The following MPP4 variants were observed in gnomAD, a reference collection of about 807,000 sequenced individuals.
The protein encoded by MPP4 is MAGUK p55 subfamily member 4.
Under a neutral mutation model 98.3 loss-of-function variants are expected in MPP4, and 91 were observed. That is an observed-to-expected ratio of 0.93 (90% CI 0.78 to 1.10). The LOEUF is 1.10. Among genes scored for constraint, MPP4 ranks in the 50% least tolerant of loss-of-function variants. The probability of loss-of-function intolerance (pLI) is 0.00; values close to 1 mark genes in which losing one functional copy is unlikely to be tolerated. For missense variants in MPP4, 744 were observed against 792.9 expected, an observed-to-expected ratio of 0.94 and a Z score of 0.74; for synonymous variants, 261 against 271.8, an observed-to-expected ratio of 0.96 and a Z score of 0.39.
chr2:201,659,025 T>A (rs544053350), intron 15 of MPP4, among the ~76,000 whole-genome samples: 2 of 152,104 alleles, frequency 1.3e-5, no homozygotes, highest in Admixed American at 1.3e-4. Context: ...CCTCCCGAGT[T>A]GCTGGGATTC....
chr2:201,662,096 T>A (rs1464144560), intron 14 of MPP4: 1 of 381,568 alleles, frequency 2.6e-6, no homozygotes, highest in South Asian at 2.1e-5. Context: ...TTTTTATAAC[T>A]AATATTTGTA....
In MPP4 at chr2:201,680,926, G is replaced by T; in HGVS notation, c.841C>A (p.Gln281Lys). ...GCCTGCCACCAGAGGGCATCATTCT[G>T]GTCCACAATCTGGAGGATGTCCCCC... ...QKGDILQIVD[Q>K]NDALWWQARK... Residue 281 changes from glutamine (Q) to lysine (K), a missense_variant, in exon 10 of 22, where the codon CAG (glutamine) becomes AAG (lysine). Transcript: ENST00000409474. 2 of 1,613,840 alleles carry T rather than the reference G, an allele frequency of 1.2e-6. No homozygotes were observed. Among genetic ancestry groups the T allele is most frequent in the Non-Finnish European group, 1.7e-6 (2 of 1,179,872 alleles).
At chr2:201,673,787 G>A (rs1190540006) in intron 11 of MPP4, among the ~76,000 whole-genome samples, 2 of 152,204 alleles carry the variant, frequency 1.3e-5, no homozygotes, top group Non-Finnish European at 2.9e-5. Flanking sequence ...GCTTGGAGAA[G>A]GGAGACATAA....
chr2:201,690,334 T>G lies in MPP4; in HGVS notation c.202-55A>C, dbSNP rs1390634914. On this transcript the variant is annotated intron_variant, in intron 3 of 21. Coordinates refer to ENST00000409474, the MANE Select transcript of MPP4 (RefSeq NM_033066.3). ...TATTGATAATATGACTATTGCCATT[T>G]TGGATTTAAGACTCTCAAAGAGAAG... The G allele has an allele frequency of 5.6e-6, 7 of 1,247,694 alleles. No homozygotes were observed. In the Admixed American group the frequency reaches 9.9e-5, roughly 18 times the overall value. 77.3% of individuals were successfully genotyped at this position (1,247,694 alleles called of 1,614,324 possible).
intron 16 of MPP4, 39 bp from the exon 17 acceptor site, chr2:201,656,407 GGA>G (rs1687851006): frequency 6.6e-7 from 1 of 1,513,596 alleles, no homozygotes; most frequent in Admixed American, 2.1e-5. Context: ...GAACCAGGCA[GGA>G]GAGATCACTT....
At chr2:201,665,401 C>A (rs1432699168) in intron 13 of MPP4, 1 of 151,944 alleles carries the variant, frequency 6.6e-6, no homozygotes, top group African/African-American at 2.4e-5. Context: ...CAGAATATGT[C>A]TGGGGTGATA....
intron 15 of MPP4, among the ~76,000 whole-genome samples, chr2:201,658,825 A>G (rs1047547996): frequency 6.6e-6 from 1 of 152,180 alleles, no homozygotes; most frequent in African/African-American, 2.4e-5. Flanking sequence ...ATGTTTAAAA[A>G]TACATACCCA....
intron 14 of MPP4, 101 bp downstream of exon 14, chr2:201,663,979 TG>T (rs1688094597): frequency 3.8e-6 from 3 of 783,088 alleles, no homozygotes; most frequent in Non-Finnish European, 5.6e-6. Context: ...AATTTTTTAA[TG>T]TTGATATATT....
At chr2:201,662,270 A>G (rs953779923) in intron 14 of MPP4, among the ~76,000 whole-genome samples, 1 of 149,968 alleles carries the variant, frequency 6.7e-6, no homozygotes, top group Non-Finnish European at 1.5e-5. Flanking sequence ...ATATATATAC[A>G]AGGCAGACGG....
At chr2:201,677,744 G>T (rs552403430) in intron 10 of MPP4, among the ~76,000 whole-genome samples, 1 of 152,134 alleles carries the variant, frequency 6.6e-6, no homozygotes, top group East Asian at 1.9e-4. Context: ...GGGCAGAGCC[G>T]GGGAATCCGT....
chr2:201,672,112 A>G (rs1688360084), intron 11 of MPP4, among the ~76,000 whole-genome samples: 2 of 152,256 alleles, frequency 1.3e-5, no homozygotes, highest in African/African-American at 2.4e-5. Flanking sequence ...CCGTACAACT[A>G]CATGGAAACA....
chr2:201,655,567 C>A (rs577572184), intron 17 of MPP4, among the ~76,000 whole-genome samples: 37 of 152,284 alleles, frequency 2.4e-4, no homozygotes, highest in Admixed American at 1.4e-3. Flanking sequence ...TAAGGCACAT[C>A]GTTCTGCTCT....
At chr2:201,694,281 C>G (rs903299573) in intron 1 of MPP4, among the ~76,000 whole-genome samples, 6 of 152,160 alleles carry the variant, frequency 3.9e-5, no homozygotes, top group African/African-American at 1.2e-4. Flanking sequence ...CCACACCTAC[C>G]CACTTTTTAG....
At chr2:201,682,586 C>A (rs1193644222) in intron 8 of MPP4, among the ~76,000 whole-genome samples, 2 of 152,072 alleles carry the variant, frequency 1.3e-5, no homozygotes, top group Non-Finnish European at 2.9e-5. Flanking sequence ...CTTCCCGTGG[C>A]TGAAGGAGGA....
intron 16 of MPP4, among the ~76,000 whole-genome samples, chr2:201,657,390 C>T (rs1574604053): frequency 6.6e-6 from 1 of 152,052 alleles, no homozygotes; most frequent in African/African-American, 2.4e-5. Context: ...TCCAGGTGCT[C>T]TCAGTAGACA....
intron 1 of MPP4, among the ~76,000 whole-genome samples, chr2:201,696,351 G>C (rs1037817465): frequency 1.3e-5 from 2 of 152,106 alleles, no homozygotes; most frequent in Admixed American, 1.3e-4. Flanking sequence ...CTTCCTCCCT[G>C]GAGGGGAGCA....
chr2:201,694,027 G>T lies in MPP4; in HGVS notation c.-73C>A. ...CAATACACGGCACACAGCTCACTCA[G>T]TCCCACTGGCCACCAGCTCTCAGCA... On this transcript the variant is annotated 5_prime_UTR_variant, in exon 2 of 22. In the 5' UTR this introduces an upstream ATG that the reference lacks. Coordinates refer to ENST00000409474, the MANE Select transcript of MPP4 (RefSeq NM_033066.3). 6.2e-7 allele frequency: 1 copy of T among 1,612,918 alleles called. No homozygotes were observed. Among genetic ancestry groups the T allele is most frequent in the Non-Finnish European group, 8.5e-7 (1 of 1,179,462 alleles).
intron 7 of MPP4, among the ~76,000 whole-genome samples, chr2:201,683,170 A>G (rs963405747): frequency 6.6e-6 from 1 of 152,228 alleles, no homozygotes; most frequent in Non-Finnish European, 1.5e-5. Context: ...TGCTAGTCTG[A>G]TGTTGTAAAA....
intron 11 of MPP4, among the ~76,000 whole-genome samples, chr2:201,671,842 C>T (rs904829920): frequency 2.6e-5 from 4 of 152,118 alleles, no homozygotes; most frequent in Non-Finnish European, 4.4e-5. Context: ...GACAGATCAA[C>T]GAGACAGAAA....
Sources: gnomAD v4.1 joint callset for allele counts (sites outside exome capture counted in the v4.1 genomes callset) on GRCh38, gnomAD v4.1.1 for gene constraint, MANE v1.5 for transcripts, NCBI Gene and HGNC (gene_info 2026-07-23, HGNC 2026-07-21) for gene names.